The following CNTNAP2 variants were observed in gnomAD, a reference collection of about 807,000 sequenced individuals.
CNTNAP2 encodes the protein contactin-associated protein-like 2.
CNTNAP2 carries 98 observed loss-of-function variants against 155.2 expected under a neutral mutation model. The ratio of observed to expected loss-of-function variants is 0.63; its 90% CI spans 0.54 to 0.75. The LOEUF (loss-of-function observed/expected upper bound fraction) is 0.75. Ranked by LOEUF, CNTNAP2 falls within the 30% of genes least tolerant of loss-of-function variation. The probability of loss-of-function intolerance (pLI) is 0.00; values close to 1 mark genes in which losing one functional copy is unlikely to be tolerated. For synonymous variants in CNTNAP2, 651 were observed against 631.2 expected (o/e 1.03, Z -0.47); for missense variants, 1,727 against 1,688.1 (o/e 1.02, Z -0.40).
intron 13 of CNTNAP2, among the ~76,000 whole-genome samples, chr7:147,875,686 G>A (rs997529244): frequency 5.9e-5 from 9 of 152,118 alleles, no homozygotes; most frequent in Admixed American, 5.9e-4. Context: ...GAGCCCATGA[G>A]TTCAAGGCCA....
intron 21 of CNTNAP2, among the ~76,000 whole-genome samples, chr7:148,321,180 TTGGTAGGCAG>T (rs939577206): frequency 2.2e-4 from 33 of 152,286 alleles, no homozygotes; most frequent in African/African-American, 7.7e-4. Context: ...AGACTTTTAT[TTGGTAGGCAG>T]TGGAGAGATG....
intron 22 of CNTNAP2, among the ~76,000 whole-genome samples, chr7:148,409,045 G>A (rs572159642): frequency 1.3e-5 from 2 of 152,192 alleles, no homozygotes; most frequent in Non-Finnish European, 2.9e-5. Flanking sequence ...GTTAAAAGTG[G>A]ATGGGAAGCA....
intron 3 of CNTNAP2, among the ~76,000 whole-genome samples, chr7:146,925,482 G>A (rs571831681): frequency 6.6e-6 from 1 of 151,914 alleles, no homozygotes. Flanking sequence ...ATGATCTATT[G>A]TTATGAATTT....
chr7:147,196,396 T>C (rs1466505794), intron 8 of CNTNAP2, among the ~76,000 whole-genome samples: 1 of 152,210 alleles, frequency 6.6e-6, no homozygotes, highest in Non-Finnish European at 1.5e-5. Flanking sequence ...AGTAAAATAT[T>C]AGCTAGGAAT....
intron 9 of CNTNAP2, among the ~76,000 whole-genome samples, chr7:147,304,336 A>C (rs990461415): frequency 5.3e-5 from 8 of 152,104 alleles, no homozygotes; most frequent in Admixed American, 1.3e-4. Flanking sequence ...TTTAGATAAC[A>C]CTCCATTAAT....
At chr7:148,267,861 C>T (rs570474074) in intron 21 of CNTNAP2, among the ~76,000 whole-genome samples, 2 of 152,116 alleles carry the variant, frequency 1.3e-5, no homozygotes, top group East Asian at 1.9e-4. Flanking sequence ...TGTAATTTAA[C>T]GTTTCCTTTG....
chr7:146,153,331 G>A (rs1798078869), intron 1 of CNTNAP2, among the ~76,000 whole-genome samples: 1 of 152,128 alleles, frequency 6.6e-6, no homozygotes, highest in African/African-American at 2.4e-5. Context: ...GAGCTTTTTA[G>A]TATGAACTGA....
chr7:146,277,408 G>C (rs73459911), intron 1 of CNTNAP2, among the ~76,000 whole-genome samples: 3,557 of 152,258 alleles, frequency 0.023, 154 homozygotes, highest in African/African-American at 0.081. Flanking sequence ...ATTGAACAAG[G>C]AACTGAATAA....
chr7:146,425,895 A>T (rs1796079702), intron 1 of CNTNAP2, among the ~76,000 whole-genome samples: 1 of 151,996 alleles, frequency 6.6e-6, no homozygotes, highest in African/African-American at 2.4e-5. Flanking sequence ...AGTTAAAAAA[A>T]CAAAAAAAGG....
chr7:147,568,124 C>T (rs779093834), intron 12 of CNTNAP2, among the ~76,000 whole-genome samples: 3 of 151,644 alleles, frequency 2.0e-5, no homozygotes, highest in Admixed American at 6.6e-5. Flanking sequence ...ATCTTTGTCT[C>T]GGGTTTCTTG....
chr7:147,813,365 C>G (rs1165401056), intron 13 of CNTNAP2, among the ~76,000 whole-genome samples: 1 of 152,112 alleles, frequency 6.6e-6, no homozygotes, highest in East Asian at 1.9e-4. Context: ...AGAAGAAAGC[C>G]TTTTTAGATG....
At chr7:146,384,520 C>G (rs1795433371) in intron 1 of CNTNAP2, among the ~76,000 whole-genome samples, 1 of 151,990 alleles carries the variant, frequency 6.6e-6, no homozygotes, top group Admixed American at 6.5e-5. Flanking sequence ...TTTGAGCTAC[C>G]ATATCCTCTG....
chr7:148,228,821 CTG>C (rs1372530400), intron 19 of CNTNAP2, among the ~76,000 whole-genome samples: 2 of 67,692 alleles, frequency 3.0e-5, no homozygotes, highest in African/African-American at 5.4e-5. Context: ...GAGCGAGACT[CTG>C]TTTCAAAAAA....
chr7:148,075,751 C>T, intron 15 of CNTNAP2, among the ~76,000 whole-genome samples: 1 of 152,152 alleles, frequency 6.6e-6, no homozygotes, highest in Admixed American at 6.5e-5. Flanking sequence ...TTTAAATCCC[C>T]CCAAATAGAG....
At chr7:146,258,582 C>T (rs1799874613) in intron 1 of CNTNAP2, among the ~76,000 whole-genome samples, 1 of 152,200 alleles carries the variant, frequency 6.6e-6, no homozygotes, top group East Asian at 1.9e-4. Context: ...GATGTGTACC[C>T]ATATAGTGAT....
rs183305522 is a variant in CNTNAP2 at position 148,167,087 on chromosome 7, G to A, written c.2774-5155G>A. Among the ~76,000 whole-genome samples, 245 of 152,236 alleles carry A rather than the reference G, an allele frequency of 1.6e-3. 1 individual carries two copies. The highest frequency in any genetic ancestry group is 5.4e-3 in the African/African-American group (224 of 41,546). On this transcript the variant is annotated intron_variant, in intron 17 of 23. Transcript: ENST00000361727. ...GTTTTCCTTTATAGAGCGAGAAATG[G>A]CATTTCACTCACCTGCTTTATAAAT...
At chr7:146,933,708 C>A (rs1375560383) in intron 3 of CNTNAP2, among the ~76,000 whole-genome samples, 1 of 150,992 alleles carries the variant, frequency 6.6e-6, no homozygotes, top group Non-Finnish European at 1.5e-5. Context: ...GGGCTAGTAT[C>A]CAGAATCTAC....
intron 1 of CNTNAP2, among the ~76,000 whole-genome samples, chr7:146,580,512 C>T (rs887719429): frequency 4.6e-5 from 7 of 151,462 alleles, no homozygotes; most frequent in African/African-American, 7.3e-5. Context: ...GTAAGTACTT[C>T]GGCAAGATCT....
intron 1 of CNTNAP2, among the ~76,000 whole-genome samples, chr7:146,281,046 T>A (rs1457258861): frequency 6.6e-6 from 1 of 152,162 alleles, no homozygotes; most frequent in East Asian, 1.9e-4. Context: ...GGATGAGGGT[T>A]GACCTACAAG....
Sources: gnomAD v4.1 joint callset for allele counts (sites outside exome capture counted in the v4.1 genomes callset) on GRCh38, gnomAD v4.1.1 for gene constraint, MANE v1.5 for transcripts, NCBI Gene and HGNC (gene_info 2026-07-23, HGNC 2026-07-21) for gene names.